Variants in SLC35A3 observed in about 807,000 individuals in gnomAD.
SLC35A3 encodes solute carrier family 35 member A3.
SLC35A3 carries 26 observed loss-of-function variants against 39.0 expected under a neutral mutation model. The observed-to-expected ratio is 0.67, with a 90% CI of 0.49 to 0.92. The LOEUF (loss-of-function observed/expected upper bound fraction) is 0.92, where lower values mean the gene tolerates loss of function less well. SLC35A3 is among the 40% of genes least tolerant of loss of function. SLC35A3 has a pLI of 0.00. For missense variants in SLC35A3, 299 were observed against 371.6 expected (o/e 0.80, Z 1.61); for synonymous variants, 135 against 133.1 (o/e 1.01, Z -0.10).
intron 1 of SLC35A3, among the ~76,000 whole-genome samples, chr1:99,987,789 C>T (rs1388672867): frequency 6.6e-6 from 1 of 152,078 alleles, no homozygotes. Flanking sequence ...AAGAGATATA[C>T]TATAAACAGG....
At chr1:99,971,307 ATTCT>A (rs1470291551) in intron 1 of SLC35A3, among the ~76,000 whole-genome samples, 1 of 150,452 alleles carries the variant, frequency 6.6e-6, no homozygotes, top group Non-Finnish European at 1.5e-5. Context: ...AATCAATATG[ATTCT>A]TTTTTTTTTT....
At chr1:99,972,953 G>A (rs944041520) in intron 1 of SLC35A3, among the ~76,000 whole-genome samples, 2 of 152,086 alleles carry the variant, frequency 1.3e-5, no homozygotes, top group South Asian at 2.1e-4. Flanking sequence ...CTACATATAC[G>A]CCTTAGGCTG....
rs936243109 is a variant in SLC35A3 at position 100,035,587 on chromosome 1, T to C, written c.*13111T>C. On this transcript the variant is annotated 3_prime_UTR_variant, in exon 8 of 8. Transcript: ENST00000533028. ...ATGTAAGCTCTGTGCAGATAGTGTC[T>C]CATTTATTGATGTATCCCTGGCATC... The C allele has an allele frequency of 1.3e-5, 2 of 152,222 alleles. No homozygotes were observed. Among genetic ancestry groups the C allele is most frequent in the African/African-American group, 2.4e-5 (1 of 41,456 alleles). The allele number at this position is 152,222 out of a possible 1,614,324, so 9.4% of individuals were successfully genotyped here. A position where few individuals can be genotyped will look rare whatever the true frequency, so the allele number is the denominator to read the frequency against.
chr1:99,987,862 G>C (rs1247477228), intron 1 of SLC35A3, among the ~76,000 whole-genome samples: 3 of 152,116 alleles, frequency 2.0e-5, no homozygotes, highest in African/African-American at 7.2e-5. Context: ...GTGGGGTGAA[G>C]AATAGACTAA....
At chr1:100,018,524 T>C (rs115100114) in intron 7 of SLC35A3, among the ~76,000 whole-genome samples, 2,038 of 152,256 alleles carry the variant, frequency 0.013, 18 homozygotes, top group Middle Eastern at 0.058. Flanking sequence ...TTTATTACTT[T>C]ATTATTTATA....
intron 4 of SLC35A3, 94 bp from the exon 5 acceptor site, chr1:100,011,271 C>T (rs560923411): frequency 5.8e-6 from 3 of 516,706 alleles, no homozygotes; most frequent in Non-Finnish European, 9.9e-6. Context: ...ATATTGGTTG[C>T]ATTTTTAAGT....
chr1:100,020,171 C>G (rs535599936), intron 7 of SLC35A3, among the ~76,000 whole-genome samples: 45 of 152,196 alleles, frequency 3.0e-4, no homozygotes, highest in African/African-American at 1.0e-3. Flanking sequence ...TTGAAGTAAT[C>G]ATTACATTCT....
chr1:99,996,645 GGAGGATTGCTTAA>G (rs1658413852), intron 2 of SLC35A3, among the ~76,000 whole-genome samples: 1 of 152,158 alleles, frequency 6.6e-6, no homozygotes, highest in Non-Finnish European at 1.5e-5. Context: ...GGCTGAGGCA[GGAGGATTGCTTAA>G]GCTCAGGAGT....
rs1659291162 is a variant in SLC35A3, at chr1:100,007,140, G to A, written c.449G>A (p.Gly150Glu). ...CTGTCCCTAGTAATTTTGATGACAG[G>A]AGTTGCTTTTGTACAGGTAACTATT... ...QWLSLVILMT[G>E]VAFVQWPSDS... The change falls in exon 4 of 8, where the codon GGA (glycine) becomes GAA (glutamate). Residue 150 changes from glycine to glutamate, a missense_variant. Gly to Glu is a moderately conservative substitution (Grantham distance 98, BLOSUM62 -2). Coordinates refer to ENST00000533028, the MANE Select transcript of SLC35A3 (RefSeq NM_012243.3). The A allele has an allele frequency of 6.2e-7, 1 of 1,610,394 alleles. No homozygotes were observed. The highest frequency in any genetic ancestry group is 1.3e-5 in the African/African-American group (1 of 74,878).
chr1:99,975,511 A>G (rs1025654818), intron 1 of SLC35A3, among the ~76,000 whole-genome samples: 2 of 152,212 alleles, frequency 1.3e-5, no homozygotes, highest in African/African-American at 4.8e-5. Flanking sequence ...TGAAGGATTC[A>G]ATCTGCTTGG....
At chr1:100,000,543 T>C (rs1658697933) in intron 3 of SLC35A3, 1 of 152,122 alleles carries the variant, frequency 6.6e-6, no homozygotes, top group Non-Finnish European at 1.5e-5. Flanking sequence ...TTTCTTTGCT[T>C]TGCAGAAGCT....
At chr1:99,977,282 T>C (rs950334670) in intron 1 of SLC35A3, among the ~76,000 whole-genome samples, 11 of 145,624 alleles carry the variant, frequency 7.6e-5, no homozygotes, top group African/African-American at 2.8e-4. Context: ...CTCTGGGAGG[T>C]AGAGGCGGGC....
At chr1:100,004,974 C>T (rs760118703) in intron 3 of SLC35A3, among the ~76,000 whole-genome samples, 2 of 152,162 alleles carry the variant, frequency 1.3e-5, no homozygotes, top group Non-Finnish European at 2.9e-5. Flanking sequence ...CCAGGCTGGT[C>T]TTGAACTCCT....
At chr1:99,989,520 G>A (rs1657952635) in intron 1 of SLC35A3, among the ~76,000 whole-genome samples, 1 of 152,118 alleles carries the variant, frequency 6.6e-6, no homozygotes, top group African/African-American at 2.4e-5. Context: ...CTGACCTCAG[G>A]TGATCCACCC....
At chr1:99,984,236 TGA>T (rs1458758550) in intron 1 of SLC35A3, among the ~76,000 whole-genome samples, 44 of 152,340 alleles carry the variant, frequency 2.9e-4, no homozygotes, top group African/African-American at 9.9e-4. Flanking sequence ...GCCGGATAAT[TGA>T]TTCCCCTGGA....
intron 1 of SLC35A3, chr1:99,970,732 A>G: frequency 1.2e-6 from 1 of 845,684 alleles, no homozygotes; most frequent in Non-Finnish European, 1.8e-6. Flanking sequence ...TTATAGTAAA[A>G]GACGATCTTT....
chr1:100,011,683 ATTAT>A lies in SLC35A3; in HGVS notation c.634+201_634+204del, dbSNP rs143297934. 14,847 of 169,854 alleles carry A rather than the reference ATTAT, an allele frequency of 0.087. 1,046 individuals are homozygous for A. Among genetic ancestry groups the A allele is most frequent in the South Asian group, 0.18 (807 of 4,546 alleles). 10.5% of individuals were successfully genotyped at this position (169,854 alleles called of 1,614,324 possible). A position where few individuals can be genotyped will look rare whatever the true frequency, so the allele number is the denominator to read the frequency against. ...ATGCTCTTGTCTTTTAAAACATTTT[ATTAT>A]TTATTTATTTATTTATTTATTTATT... On this transcript the variant is annotated intron_variant, in intron 5 of 7. Transcript: ENST00000533028.
chr1:100,027,801 C>G lies in SLC35A3; in HGVS notation c.*5325C>G, dbSNP rs1353777478. Reference sequence around the variant, plus strand: ...AGTGTATATTTTTCTTTGGCAACCTCTCATGAAAAGCACTAACTAAAAATA... The same window carrying G: ...AGTGTATATTTTTCTTTGGCAACCTGTCATGAAAAGCACTAACTAAAAATA... On this transcript the variant is annotated 3_prime_UTR_variant, in exon 8 of 8. Coordinates refer to ENST00000533028, the MANE Select transcript of SLC35A3 (RefSeq NM_012243.3). 6.6e-6 allele frequency: 1 copy of G among 152,078 alleles called. No individual in the cohort carries two copies. Among genetic ancestry groups the G allele is most frequent in the Non-Finnish European group, 1.5e-5 (1 of 68,020 alleles). 9.4% of individuals were successfully genotyped at this position (152,078 alleles called of 1,614,324 possible). A position where few individuals can be genotyped will look rare whatever the true frequency, so the allele number is the denominator to read the frequency against.
chr1:100,006,546 G>A (rs1461760421), intron 3 of SLC35A3, among the ~76,000 whole-genome samples: 1 of 152,158 alleles, frequency 6.6e-6, no homozygotes, highest in Non-Finnish European at 1.5e-5. Flanking sequence ...GGTAGCAACA[G>A]GTTGTGCAGG....
Sources: allele counts gnomAD v4.1 joint callset (sites outside exome capture counted in the v4.1 genomes callset), GRCh38; gene constraint gnomAD v4.1.1; transcripts MANE v1.5; gene names NCBI Gene and HGNC (gene_info 2026-07-23, HGNC 2026-07-21).